The following HDAC9 variants were observed in gnomAD, a reference collection of about 807,000 sequenced individuals.
The protein encoded by HDAC9 is MEF-2 interacting transcription repressor (MITR) protein.
A neutral mutation model predicts 139.4 loss-of-function variants in HDAC9; 41 were observed. That is an observed-to-expected ratio of 0.29 (90% CI 0.23 to 0.38). The LOEUF (loss-of-function observed/expected upper bound fraction) is 0.38, where lower values mean the gene tolerates loss of function less well. HDAC9 is among the 10% of genes least tolerant of loss of function. HDAC9 has a pLI of 1.00. For synonymous variants in HDAC9, 517 were observed against 476.2 expected (o/e 1.09, Z -1.12); for missense variants, 1,147 against 1,297.0 (o/e 0.88, Z 1.78).
chr7:18,916,887 C>A (rs1474787786), intron 22 of HDAC9, among the ~76,000 whole-genome samples: 1 of 151,970 alleles, frequency 6.6e-6, no homozygotes, highest in Non-Finnish European at 1.5e-5. Context: ...CTTTTCTCTC[C>A]CACAATGCCA....
chr7:18,726,710 CTTTA>C (rs754524423), intron 12 of HDAC9, among the ~76,000 whole-genome samples: 37 of 149,510 alleles, frequency 2.5e-4, no homozygotes, highest in Admixed American at 1.1e-3. Flanking sequence ...TAAATAAATT[CTTTA>C]TTAATAAATA....
At chr7:18,246,538 G>A (rs977525597) in intron 2 of HDAC9, among the ~76,000 whole-genome samples, 1 of 151,950 alleles carries the variant, frequency 6.6e-6, no homozygotes, top group African/African-American at 2.4e-5. Flanking sequence ...CAGACTCCCG[G>A]AAATTCCTAA....
intron 12 of HDAC9, among the ~76,000 whole-genome samples, chr7:18,707,529 G>T (rs1014564928): frequency 6.6e-6 from 1 of 152,104 alleles, no homozygotes; most frequent in African/African-American, 2.4e-5. Flanking sequence ...CTTTTCAGGA[G>T]CATTTAAGGT....
intron 1 of HDAC9, among the ~76,000 whole-genome samples, chr7:18,115,627 G>A (rs182397219): frequency 2.6e-5 from 4 of 152,220 alleles, no homozygotes; most frequent in Admixed American, 2.6e-4. Context: ...TGTTCAAATC[G>A]GTTATTTGAC....
At chr7:18,451,682 G>A (rs1792883007) in intron 1 of HDAC9, among the ~76,000 whole-genome samples, 1 of 151,832 alleles carries the variant, frequency 6.6e-6, no homozygotes, top group Non-Finnish European at 1.5e-5. Flanking sequence ...TGATCTATGT[G>A]GATATAGAGG....
At chr7:18,417,998 C>T (rs909483633) in intron 1 of HDAC9, among the ~76,000 whole-genome samples, 9 of 152,138 alleles carry the variant, frequency 5.9e-5, no homozygotes, top group African/African-American at 1.7e-4. Context: ...CACGCTCCCC[C>T]GGACTCTCCC....
intron 2 of HDAC9, among the ~76,000 whole-genome samples, chr7:18,212,431 G>C (rs1212851351): frequency 6.6e-6 from 1 of 152,124 alleles, no homozygotes; most frequent in African/African-American, 2.4e-5. Context: ...TATTAGCTCA[G>C]GCTCTGTAGC....
intron 12 of HDAC9, among the ~76,000 whole-genome samples, chr7:18,708,136 A>G (rs1302340610): frequency 1.3e-5 from 2 of 152,168 alleles, no homozygotes; most frequent in African/African-American, 2.4e-5. Context: ...GGTGCTGATA[A>G]GAGTGTAGAG....
At chr7:18,377,846 A>G (rs1785112981) in intron 1 of HDAC9, among the ~76,000 whole-genome samples, 1 of 152,114 alleles carries the variant, frequency 6.6e-6, no homozygotes. Flanking sequence ...TAAGAATTTT[A>G]TTTTTATTAT....
chr7:18,341,238 G>A (rs1781984993), intron 1 of HDAC9, among the ~76,000 whole-genome samples: 1 of 151,054 alleles, frequency 6.6e-6, no homozygotes, highest in African/African-American at 2.4e-5. Flanking sequence ...GTGTGTTTGT[G>A]TGTGCACACA....
intron 1 of HDAC9, among the ~76,000 whole-genome samples, chr7:18,306,823 C>A (rs193097437): frequency 6.6e-6 from 1 of 152,080 alleles, no homozygotes; most frequent in African/African-American, 2.4e-5. Context: ...TTTACTCACA[C>A]TCCTTTTTGC....
At chr7:18,372,903 T>A (rs1784705824) in intron 1 of HDAC9, among the ~76,000 whole-genome samples, 1 of 152,212 alleles carries the variant, frequency 6.6e-6, no homozygotes, top group South Asian at 2.1e-4. Context: ...TTCATAACAA[T>A]GGTTACTTTT....
chr7:18,757,000 C>G (rs539567084), intron 14 of HDAC9, among the ~76,000 whole-genome samples: 1 of 151,928 alleles, frequency 6.6e-6, no homozygotes, highest in African/African-American at 2.4e-5. Context: ...TTTTAAGAAG[C>G]AGTTGGTTGG....
intron 1 of HDAC9, among the ~76,000 whole-genome samples, chr7:18,434,299 C>A (rs1228975932): frequency 6.6e-6 from 1 of 152,088 alleles, no homozygotes; most frequent in Non-Finnish European, 1.5e-5. Flanking sequence ...AAAACCTGAA[C>A]CCTAGAAGAA....
chr7:18,726,375 G>C (rs141889939), intron 12 of HDAC9, among the ~76,000 whole-genome samples: 1 of 152,298 alleles, frequency 6.6e-6, no homozygotes, highest in Non-Finnish European at 1.5e-5. Context: ...GGAAGGTTAA[G>C]GCAAGGCCTT....
At chr7:18,202,032 T>C (rs757572138) in intron 2 of HDAC9, among the ~76,000 whole-genome samples, 11 of 152,194 alleles carry the variant, frequency 7.2e-5, no homozygotes, top group Admixed American at 7.2e-4. Flanking sequence ...AAGAGAAAGT[T>C]GGGAAAGACT....
intron 2 of HDAC9, among the ~76,000 whole-genome samples, chr7:18,273,144 C>G (rs1031725269): frequency 6.3e-5 from 9 of 142,718 alleles, no homozygotes; most frequent in Non-Finnish European, 1.4e-4. Context: ...CTCACTGCAG[C>G]ATCAAACTCG....
At chr7:18,612,519 G>T (rs764625299) in intron 6 of HDAC9, among the ~76,000 whole-genome samples, 1 of 152,074 alleles carries the variant, frequency 6.6e-6, no homozygotes, top group Non-Finnish European at 1.5e-5. Flanking sequence ...TAGAGAATTA[G>T]AGAACTGAGG....
At chr7:18,378,689 A>G (rs376789191) in intron 1 of HDAC9, among the ~76,000 whole-genome samples, 3 of 152,266 alleles carry the variant, frequency 2.0e-5, no homozygotes, top group East Asian at 3.9e-4. Flanking sequence ...GCATATAAAT[A>G]TGTTTATGTA....
Sources: gnomAD v4.1 joint callset for allele counts (sites outside exome capture counted in the v4.1 genomes callset) on GRCh38, gnomAD v4.1.1 for gene constraint, MANE v1.5 for transcripts, NCBI Gene and HGNC (gene_info 2026-07-23, HGNC 2026-07-21) for gene names.